The following NOX4 variants were observed in gnomAD, a reference collection of about 807,000 sequenced individuals.
The protein encoded by NOX4 is NADPH oxidase 4.
Under a neutral mutation model 87.6 loss-of-function variants are expected in NOX4, and 69 were observed. That is an observed-to-expected ratio of 0.79 (90% CI 0.65 to 0.96). The LOEUF is 0.96. NOX4 is among the 40% of genes least tolerant of loss of function. The probability of loss-of-function intolerance (pLI) is 0.00; values close to 1 mark genes in which losing one functional copy is unlikely to be tolerated. For missense variants in NOX4, 680 were observed against 681.5 expected (o/e 1.00, Z 0.02); for synonymous variants, 275 against 238.2 (o/e 1.15, Z -1.42).
the NOX4 span, among the ~76,000 whole-genome samples, chr11:89,538,996 C>T: frequency 5.3e-5 from 8 of 152,222 alleles, no homozygotes; most frequent in South Asian, 1.7e-3. Context: ...CTTGCACTCT[C>T]TCTTTTCCCC....
intron 2 of NOX4, among the ~76,000 whole-genome samples, chr11:89,455,482 T>C (rs1408493176): frequency 6.6e-6 from 1 of 152,092 alleles, no homozygotes; most frequent in Admixed American, 6.6e-5. Context: ...CAGTGGTAGT[T>C]TTCAGTAAAT....
intron 17 of NOX4, among the ~76,000 whole-genome samples, chr11:89,331,648 A>G (rs557302513): frequency 1.1e-3 from 160 of 151,898 alleles, no homozygotes; most frequent in Non-Finnish European, 1.6e-3. Context: ...TTGACAGGGC[A>G]ATTATAGAGT....
intron 11 of NOX4, among the ~76,000 whole-genome samples, chr11:89,374,125 A>G (rs1939661567): frequency 6.6e-6 from 1 of 152,132 alleles, no homozygotes; most frequent in African/African-American, 2.4e-5. Flanking sequence ...AAAATGAAAG[A>G]ACAAAATTTA....
At chr11:89,550,711 G>C in the NOX4 span, among the ~76,000 whole-genome samples, 1 of 152,122 alleles carries the variant, frequency 6.6e-6, no homozygotes, top group South Asian at 2.1e-4. Flanking sequence ...CAGATGGAGA[G>C]ATTGCAAAAT....
chr11:89,498,769 A>G (rs909217690), upstream of NOX4: 1 of 152,278 alleles, frequency 6.6e-6, no homozygotes, highest in Non-Finnish European at 1.5e-5. Flanking sequence ...ACTTTGGCAT[A>G]ATTGTCACAC....
chr11:89,488,148 A>G (rs77659006), intron 2 of NOX4, among the ~76,000 whole-genome samples: 1 of 152,134 alleles, frequency 6.6e-6, no homozygotes, highest in Non-Finnish European at 1.5e-5. Flanking sequence ...AGATAGCTCA[A>G]ATATCAACTC....
At chr11:89,537,830 C>A in the NOX4 span, among the ~76,000 whole-genome samples, 1 of 152,118 alleles carries the variant, frequency 6.6e-6, no homozygotes, top group South Asian at 2.1e-4. Flanking sequence ...GGCAAGCAAG[C>A]ACATACGACA....
intron 12 of NOX4, among the ~76,000 whole-genome samples, chr11:89,357,868 T>G (rs1938190203): frequency 6.6e-6 from 1 of 152,080 alleles, no homozygotes; most frequent in African/African-American, 2.4e-5. Context: ...AAAGAATCTC[T>G]GCAGATGACA....
intron 2 of NOX4, among the ~76,000 whole-genome samples, chr11:89,480,547 G>T (rs1946351496): frequency 1.3e-5 from 2 of 152,162 alleles, no homozygotes; most frequent in East Asian, 1.9e-4. Context: ...AAGGATAAGA[G>T]CAGAGGGAGG....
At chr11:89,446,892 T>C (rs980535043) in intron 4 of NOX4, among the ~76,000 whole-genome samples, 1 of 152,150 alleles carries the variant, frequency 6.6e-6, no homozygotes. Context: ...GATATGTCAA[T>C]TAATGTAAAT....
chr11:89,499,676 T>C (rs146695468), upstream of NOX4, among the ~76,000 whole-genome samples: 15 of 152,280 alleles, frequency 9.9e-5, no homozygotes, highest in East Asian at 2.9e-3. Context: ...ATCGATTTAA[T>C]AGCTTAAATG....
chr11:89,478,631 A>G (rs1946265339), intron 2 of NOX4, among the ~76,000 whole-genome samples: 1 of 152,148 alleles, frequency 6.6e-6, no homozygotes. Flanking sequence ...TATACCTAAA[A>G]TTTGTGCACT....
At chr11:89,364,769 G>A (rs998881968) in intron 12 of NOX4, among the ~76,000 whole-genome samples, 5 of 151,968 alleles carry the variant, frequency 3.3e-5, no homozygotes, top group African/African-American at 1.2e-4. Context: ...TGAATTATCT[G>A]TATCTTAGAA....
At chr11:89,490,677 G>A (rs1291109424) in intron 1 of NOX4, 124 bp from the exon 2 acceptor site, 1 of 750,888 alleles carries the variant, frequency 1.3e-6, no homozygotes, top group Non-Finnish European at 2.4e-6. Flanking sequence ...AGTAACTGCA[G>A]AAAGCATTTT....
At chr11:89,557,262 C>A in the NOX4 span, 1 of 152,062 alleles carries the variant, frequency 6.6e-6, no homozygotes, top group African/African-American at 2.4e-5. Context: ...GTGGTGAATG[C>A]TAGAATTATT....
At chr11:89,548,116 A>C in the NOX4 span, 3 of 152,098 alleles carry the variant, frequency 2.0e-5, no homozygotes, top group Admixed American at 2.0e-4. Flanking sequence ...GATCTAGAGA[A>C]AATGAAAACA....
Position 89,480,015 on chromosome 11 carries a change from G to A in NOX4, c.153+10443C>T, listed in dbSNP as rs532104390. On this transcript the variant is annotated intron_variant, in intron 2 of 17. Coordinates refer to ENST00000263317, the MANE Select transcript of NOX4 (RefSeq NM_016931.5). The stretch of plus-strand genomic sequence containing the variant: ...TGGGCCCCATGGAATTGGCCTCCAG[G>A]AAAAGTCGGTCCTTAGTATATGCGG... Among the ~76,000 whole-genome samples, 5 of 152,184 alleles carry A rather than the reference G, an allele frequency of 3.3e-5. No homozygotes were observed. The South Asian group carries it at 1.0e-3, about 31-fold the overall frequency.
At chr11:89,542,167 AT>A in the NOX4 span, among the ~76,000 whole-genome samples, 1 of 152,156 alleles carries the variant, frequency 6.6e-6, no homozygotes. Context: ...AAGGGTAAAT[AT>A]TTCTCTTTTT....
chr11:89,428,049 A>G (rs1943546448), intron 7 of NOX4, among the ~76,000 whole-genome samples: 1 of 152,200 alleles, frequency 6.6e-6, no homozygotes, highest in Non-Finnish European at 1.5e-5. Flanking sequence ...GCCAGAAGAG[A>G]GTGAGGGCCA....
Sources: allele counts gnomAD v4.1 joint callset (sites outside exome capture counted in the v4.1 genomes callset), GRCh38; gene constraint gnomAD v4.1.1; transcripts MANE v1.5; gene names NCBI Gene and HGNC (gene_info 2026-07-23, HGNC 2026-07-21).